Variants in ECT2 observed in about 807,000 individuals in gnomAD.
ECT2 encodes epithelial cell transforming 2.
A neutral mutation model predicts 116.9 loss-of-function variants in ECT2; 61 were observed. That is an observed-to-expected ratio of 0.52 (90% confidence interval 0.42 to 0.65). The LOEUF is 0.65. Ranked by LOEUF, ECT2 falls within the 30% of genes least tolerant of loss-of-function variation. The pLI, the probability that ECT2 is intolerant of heterozygous loss-of-function variation, is 0.00. For missense variants in ECT2, 937 were observed against 1,078.7 expected (o/e 0.87, Z 1.84); for synonymous variants, 358 against 346.4 (o/e 1.03, Z -0.37).
At chr3:172,809,251 A>G (rs1428317260) in intron 22 of ECT2, among the ~76,000 whole-genome samples, 2 of 152,098 alleles carry the variant, frequency 1.3e-5, no homozygotes, top group Admixed American at 6.6e-5. Context: ...ATTAACAGAA[A>G]ATTTTTCTTA....
At chr3:172,819,954 A>G (rs1191750017) in intron 24 of ECT2, among the ~76,000 whole-genome samples, 194 bp from the exon 25 acceptor site, 1 of 152,122 alleles carries the variant, frequency 6.6e-6, no homozygotes, top group Non-Finnish European at 1.5e-5. Context: ...TGTTCTCAGA[A>G]TGCTATAATA....
chr3:172,754,492 A>C lies in ECT2; in HGVS notation c.-22-17A>C. 6.6e-7 allele frequency: 1 copy of C among 1,522,790 alleles called. No homozygotes were observed. Among genetic ancestry groups the C allele is most frequent in the Non-Finnish European group, 8.8e-7 (1 of 1,134,434 alleles). The allele number at this position is 1,522,790 out of a possible 1,614,324, so 94.3% of individuals were successfully genotyped here. A position where few individuals can be genotyped will look rare whatever the true frequency, so the allele number is the denominator to read the frequency against. ...TGACCATGTTTATGTATTTTTATTC[A>C]AATTTTATTTTTTCAGCTGATTTAG... On this transcript the variant is annotated splice_polypyrimidine_tract_variant and intron_variant, in intron 1 of 24. Transcript: ENST00000392692.
chr3:172,827,646 A>G, the ECT2 span, among the ~76,000 whole-genome samples: 2 of 152,250 alleles, frequency 1.3e-5, no homozygotes, highest in African/African-American at 4.8e-5. Flanking sequence ...GGAAGGAGGT[A>G]TAAAGAGGGG....
intron 18 of ECT2, 151 bp downstream of exon 18, chr3:172,786,725 AGTATT>A (rs1399032254): frequency 1.7e-6 from 1 of 585,090 alleles, no homozygotes; most frequent in Non-Finnish European, 3.1e-6. Context: ...ATTAAAATGA[AGTATT>A]GTAAGAATAC....
At chr3:172,806,011 A>C in intron 21 of ECT2, 142 bp downstream of exon 21, 1 of 822,394 alleles carries the variant, frequency 1.2e-6, no homozygotes, top group Non-Finnish European at 1.8e-6. Context: ...TTGTTCTTGC[A>C]CCTCTATCCC....
intron 21 of ECT2, among the ~76,000 whole-genome samples, chr3:172,807,158 A>G (rs1461491346): frequency 1.3e-5 from 2 of 152,156 alleles, no homozygotes; most frequent in Non-Finnish European, 2.9e-5. Context: ...ACATCTTCCT[A>G]TGTACTGTAA....
chr3:172,801,080 C>A (rs555238380), intron 18 of ECT2, among the ~76,000 whole-genome samples: 57 of 152,148 alleles, frequency 3.7e-4, no homozygotes, highest in African/African-American at 1.3e-3. Flanking sequence ...AATATAATAA[C>A]TTTAAATTGT....
chr3:172,825,741 TA>T (rs1730824824), downstream of ECT2, among the ~76,000 whole-genome samples: 1 of 152,084 alleles, frequency 6.6e-6, no homozygotes, highest in Admixed American at 6.5e-5. Context: ...CTCCAAAACA[TA>T]AAAGTGCAAT....
At position 172,820,334 on chromosome 3, in the gene ECT2, A is replaced by G; in HGVS notation, c.*97A>G. 1 of 769,254 alleles carries G rather than the reference A, an allele frequency of 1.3e-6. No individual in the cohort carries two copies. The highest frequency in any genetic ancestry group is 2.0e-6 in the Non-Finnish European group (1 of 509,502). 47.7% of individuals were successfully genotyped at this position (769,254 alleles called of 1,614,324 possible). A position where few individuals can be genotyped will look rare whatever the true frequency, so the allele number is the denominator to read the frequency against. On this transcript the variant is annotated 3_prime_UTR_variant, in exon 25 of 25. Coordinates refer to ENST00000392692, the MANE Select transcript of ECT2 (RefSeq NM_001258315.2). Reference sequence around the variant, plus strand: ...GTACTTGTAATTAGCACTTGGTGAAAGCTGGAAGGAAGATAAATAACACTA... The same window carrying G: ...GTACTTGTAATTAGCACTTGGTGAAGGCTGGAAGGAAGATAAATAACACTA...
rs9830717 is a variant in ECT2 at position 172,755,459 on chromosome 3, C to G, written c.211-24C>G. 5,639 of 1,495,818 alleles carry G rather than the reference C, an allele frequency of 3.8e-3. 153 individuals are homozygous for G. In the African/African-American group the frequency reaches 0.068, roughly 18 times the overall value. The allele number at this position is 1,495,818 out of a possible 1,614,324, so 92.7% of individuals were successfully genotyped here. ...AATAGTTTCATAGCTTTCTTAACCT[C>G]ATACTTAAGTCTCTTTTCCACAGAC... On this transcript the variant is annotated intron_variant, in intron 3 of 24. Transcript: ENST00000392692.
At chr3:172,758,627 A>C (rs1364942974) in intron 5 of ECT2, among the ~76,000 whole-genome samples, 3 of 152,192 alleles carry the variant, frequency 2.0e-5, no homozygotes, top group African/African-American at 7.2e-5. Flanking sequence ...ACCTGTTTTA[A>C]TGACATTAAT....
chr3:172,782,292 CAAG>C (rs1160783747), intron 15 of ECT2, 61 bp downstream of exon 15: 1 of 969,900 alleles, frequency 1.0e-6, no homozygotes, highest in East Asian at 2.7e-5. Context: ...CAAGGACTGG[CAAG>C]GAGTGTAATT....
intron 22 of ECT2, among the ~76,000 whole-genome samples, chr3:172,811,570 C>A (rs1728771579): frequency 6.6e-6 from 1 of 152,006 alleles, no homozygotes; most frequent in African/African-American, 2.4e-5. Context: ...ATTTTTAGTT[C>A]ATTGATGGTT....
chr3:172,814,433 A>C (rs1729334247), intron 22 of ECT2, among the ~76,000 whole-genome samples: 1 of 152,104 alleles, frequency 6.6e-6, no homozygotes, highest in African/African-American at 2.4e-5. Context: ...GTCACCACAG[A>C]ATGAATAGTC....
intron 5 of ECT2, among the ~76,000 whole-genome samples, chr3:172,757,669 A>G (rs866684591): frequency 3.3e-5 from 5 of 151,940 alleles, no homozygotes; most frequent in African/African-American, 1.2e-4. Context: ...CCCGCTTCGG[A>G]CTCTCAAAGT....
At chr3:172,816,447 A>C (rs1729733117) in intron 23 of ECT2, among the ~76,000 whole-genome samples, 1 of 152,108 alleles carries the variant, frequency 6.6e-6, no homozygotes, top group Admixed American at 6.6e-5. Context: ...AGAAGAACTT[A>C]GGTCTCTTCT....
chr3:172,802,726 A>C (rs1388211553), intron 19 of ECT2, 32 bp downstream of exon 19: 1 of 1,538,218 alleles, frequency 6.5e-7, no homozygotes, highest in Non-Finnish European at 8.8e-7. Flanking sequence ...TTATTAATTT[A>C]TTTTCTTCTT....
At position 172,786,203 on chromosome 3, in the gene ECT2, A is replaced by G. The variant is rs147969785; in HGVS notation, c.1826-290A>G. On this transcript the variant is annotated intron_variant, in intron 17 of 24. Coordinates refer to ENST00000392692, the MANE Select transcript of ECT2 (RefSeq NM_001258315.2). Reference sequence around the variant, plus strand: ...GGATCATGTGTTTTCATTTAGCACTATGGAGAGACTTTGAGGAATTTAGGA... The same window carrying G: ...GGATCATGTGTTTTCATTTAGCACTGTGGAGAGACTTTGAGGAATTTAGGA... Among the ~76,000 whole-genome samples the G allele has an allele frequency of 1.8e-3, 271 of 152,292 alleles. 6 individuals are homozygous for G. The highest frequency in any genetic ancestry group is 6.3e-3 in the African/African-American group (262 of 41,580).
At chr3:172,780,069 T>G (rs572443959) in intron 14 of ECT2, among the ~76,000 whole-genome samples, 5 of 152,236 alleles carry the variant, frequency 3.3e-5, no homozygotes, top group African/African-American at 9.6e-5. Context: ...CAACCACTAA[T>G]GTACTTTCTG....
Sources: allele counts gnomAD v4.1 joint callset (sites outside exome capture counted in the v4.1 genomes callset), GRCh38; gene constraint gnomAD v4.1.1; transcripts MANE v1.5; gene names NCBI Gene and HGNC (gene_info 2026-07-23, HGNC 2026-07-21).